Variants in FBXL19 observed in about 807,000 individuals in gnomAD.
FBXL19 encodes F-box and leucine rich repeat protein 19, also known as F-box/LRR-repeat protein 19.
In FBXL19, 16 loss-of-function variants were observed where a neutral mutation model predicts 71.2. That is an observed-to-expected ratio of 0.22 (90% CI 0.15 to 0.34). The LOEUF is 0.34. Ranked by LOEUF, FBXL19 falls within the 10% of genes least tolerant of loss-of-function variation. FBXL19 has a pLI of 1.00. For missense variants in FBXL19, 658 were observed against 968.2 expected (o/e 0.68, Z 4.25); for synonymous variants, 447 against 409.4 (o/e 1.09, Z -1.11).
At position 30,941,583 on chromosome 16, in the gene FBXL19, C is replaced by T. The variant is rs369063566; in HGVS notation, c.1302-533C>T. Among the ~76,000 whole-genome samples the T allele has an allele frequency of 5.9e-4, 90 of 152,204 alleles. 2 individuals are homozygous for T. In the South Asian group the frequency reaches 0.016, roughly 27 times the overall value. On this transcript the variant is annotated intron_variant, in intron 7 of 10. Coordinates refer to ENST00000338343, the MANE Select transcript of FBXL19 (RefSeq NM_001382779.1). ...GATATTAGGGCTGTAAGTCCAGCTG[C>T]GGGCAGCTGGCTGTCAAGATGGGAC...
Position 30,925,932 on chromosome 16 carries a change from G to A in FBXL19, c.177+1G>A. The A allele has an allele frequency of 6.7e-7, 1 of 1,484,282 alleles. No homozygotes were observed. Among genetic ancestry groups the A allele is most frequent in the Non-Finnish European group, 8.9e-7 (1 of 1,122,722 alleles). The allele number at this position is 1,484,282 out of a possible 1,614,324, so 91.9% of individuals were successfully genotyped here. Reference sequence around the variant, plus strand: ...GTGCCTGCTCCGGCAGTGCACTGCCGTGAGTTCTGCCCCCACCTTTGGGCT... The same window carrying A: ...GTGCCTGCTCCGGCAGTGCACTGCCATGAGTTCTGCCCCCACCTTTGGGCT... On this transcript the variant is annotated splice_donor_variant, in intron 2 of 10. Coordinates refer to ENST00000338343, the MANE Select transcript of FBXL19 (RefSeq NM_001382779.1). LOFTEE classifies it high-confidence loss of function. The surrounding 1 kb of genome is among the most constrained non-coding windows in gnomAD (Gnocchi z 5.0).
chr16:30,924,476 C>T lies in FBXL19; in HGVS notation c.-25+17C>T, dbSNP rs948962875. On this transcript the variant is annotated intron_variant, in intron 1 of 10. Coordinates refer to ENST00000338343, the MANE Select transcript of FBXL19 (RefSeq NM_001382779.1). ...ACGTGTGAGGTGGGTTCATGCGGCT[C>T]CTCCTCACCCCCAGACCTGGGCAGC... is the stretch of plus-strand genomic sequence containing the variant. 1.3e-5 allele frequency: 6 copies of T among 467,992 alleles called. No homozygotes were observed. The highest frequency in any genetic ancestry group is 1.0e-4 in the African/African-American group (5 of 49,258). The allele number at this position is 467,992 out of a possible 1,614,324, so 29.0% of individuals were successfully genotyped here.
chr16:30,947,516 G>A lies in FBXL19; in HGVS notation c.*286G>A. 6.7e-6 allele frequency: 3 copies of A among 450,924 alleles called. No individual in the cohort carries two copies. The highest frequency in any genetic ancestry group is 5.0e-5 in the South Asian group (2 of 39,830). The allele number at this position is 450,924 out of a possible 1,614,324, so 27.9% of individuals were successfully genotyped here. A position where few individuals can be genotyped will look rare whatever the true frequency, so the allele number is the denominator to read the frequency against. On this transcript the variant is annotated 3_prime_UTR_variant, in exon 11 of 11. Transcript: ENST00000338343. ...CTGGAGGGTGCTGAGCCGAAGGGACGGTGGGAGGGGGGTTATGGTGCAAGT... is the reference window on the plus strand; with the variant it reads ...CTGGAGGGTGCTGAGCCGAAGGGACAGTGGGAGGGGGGTTATGGTGCAAGT...
chr16:30,922,995 A>G, upstream of FBXL19: 1 of 455,830 alleles, frequency 2.2e-6, no homozygotes. Context: ...CTATAAAACT[A>G]CTAATCCCAT....
At chr16:30,933,113 G>C (rs2055693596) in intron 7 of FBXL19, among the ~76,000 whole-genome samples, 2 of 151,984 alleles carry the variant, frequency 1.3e-5, no homozygotes, top group Non-Finnish European at 2.9e-5. Context: ...CGATTCTCCT[G>C]CCTCAGCCTC....
chr16:30,942,649 A>G lies in FBXL19; in HGVS notation c.1627+113A>G. ...GGTAAAGTATTTGAAGAAAGGAAAG[A>G]ATACATGAGTTTGAATAGGAAGGCC... On this transcript the variant is annotated intron_variant, in intron 9 of 10. Coordinates refer to ENST00000338343, the MANE Select transcript of FBXL19 (RefSeq NM_001382779.1). This position sits in a 1 kb window ranked among gnomAD's most constrained non-coding sequence, Gnocchi z 5.7. 7.0e-7 allele frequency: 1 copy of G among 1,425,322 alleles called. No individual in the cohort carries two copies. Among genetic ancestry groups the G allele is most frequent in the African/African-American group, 1.4e-5 (1 of 69,682 alleles). The allele number at this position is 1,425,322 out of a possible 1,614,324, so 88.3% of individuals were successfully genotyped here. A position where few individuals can be genotyped will look rare whatever the true frequency, so the allele number is the denominator to read the frequency against.
At position 30,942,157 on chromosome 16, in the gene FBXL19, G is replaced by A. The variant is rs759805532; in HGVS notation, c.1343G>A (p.Arg448Gln). The A allele has an allele frequency of 5.6e-6, 9 of 1,599,020 alleles. No individual in the cohort carries two copies. Among genetic ancestry groups the A allele is most frequent in the Admixed American group, 1.7e-5 (1 of 58,104 alleles). ...KRLWPRMDLS[R>Q]RKSLTPPMLS... ...CTGTGGCCTCGAATGGACCTGAGCC[G>A]GCGGAAGTCACTGACCCCGCCCATG... The change falls in exon 8 of 11, where the codon CGG becomes CAG. Residue 448 changes from arginine (R) to glutamine (Q), a missense_variant. Coordinates refer to ENST00000338343, the MANE Select transcript of FBXL19 (RefSeq NM_001382779.1). This position sits in a 1 kb window ranked among gnomAD's most constrained non-coding sequence, Gnocchi z 5.7.
chr16:30,947,556 T>G lies in FBXL19; in HGVS notation c.*326T>G, dbSNP rs1273202691. 5.3e-5 allele frequency: 12 copies of G among 227,732 alleles called. No individual in the cohort carries two copies. The highest frequency in any genetic ancestry group is 2.1e-4 in the African/African-American group (6 of 28,974). 14.1% of individuals were successfully genotyped at this position (227,732 alleles called of 1,614,324 possible). On this transcript the variant is annotated 3_prime_UTR_variant, in exon 11 of 11. Transcript: ENST00000338343. The stretch of plus-strand genomic sequence containing the variant: ...ATGGTGCAAGTGTTGGGGGGGAGAA[T>G]GGGGAAAGGACACACACAGGATATG...
At position 30,944,206 on chromosome 16, in the gene FBXL19, A is replaced by AT. The variant is rs201341124; in HGVS notation, c.1627+1680dup. On this transcript the variant is annotated intron_variant, in intron 9 of 10. Coordinates refer to ENST00000338343, the MANE Select transcript of FBXL19 (RefSeq NM_001382779.1). ...TTTTTTTTTTTTTTTTAGTTTTTAA[A>AT]TTTTTTTTTTAACTTTTAAGTTCAT... 5.8e-4 allele frequency among the ~76,000 whole-genome samples: 44 copies of AT among 76,484 alleles called. No homozygotes were observed. In the East Asian group the frequency reaches 0.011, roughly 19 times the overall value. The allele number at this position is 76,484 out of a possible 152,430, so 50.2% of individuals were successfully genotyped here.
At chr16:30,928,384 G>A (rs920789505) in intron 5 of FBXL19, 83 bp from the exon 6 acceptor site, 2 of 1,355,974 alleles carry the variant, frequency 1.5e-6, no homozygotes, top group Admixed American at 6.1e-5. Flanking sequence ...AGTCTAAGAG[G>A]AGGGCATGGA....
rs1378780356 is a variant in FBXL19 at position 30,946,721 on chromosome 16, G to T, written c.1628-9G>T. On this transcript the variant is annotated splice_polypyrimidine_tract_variant and intron_variant, in intron 9 of 10. Coordinates refer to ENST00000338343, the MANE Select transcript of FBXL19 (RefSeq NM_001382779.1). This position sits in a 1 kb window ranked among gnomAD's most constrained non-coding sequence, Gnocchi z 6.7. ...GCCAGGAGTGCTGACCTCTCATCTGGCTGCCCAGGGCAAACAGAGAGCCGT... is the reference window on the plus strand; with the variant it reads ...GCCAGGAGTGCTGACCTCTCATCTGTCTGCCCAGGGCAAACAGAGAGCCGT... 2 of 1,609,578 alleles carry T rather than the reference G, an allele frequency of 1.2e-6. No individual in the cohort carries two copies. The highest frequency in any genetic ancestry group is 2.7e-5 in the African/African-American group (2 of 74,874).
In FBXL19 at chr16:30,942,004, T is replaced by G. The variant is rs993751651; in HGVS notation, c.1302-112T>G. 1 of 1,231,808 alleles carries G rather than the reference T, an allele frequency of 8.1e-7. No individual in the cohort carries two copies. The highest frequency in any genetic ancestry group is 1.1e-6 in the Non-Finnish European group (1 of 928,460). 76.3% of individuals were successfully genotyped at this position (1,231,808 alleles called of 1,614,324 possible). ...TCAGGTGCTTCTTGCTACCCTGTTG[T>G]CTGTGTGGCCAGAAGAGAGCTGGGG... is the stretch of plus-strand genomic sequence containing the variant. On this transcript the variant is annotated intron_variant, in intron 7 of 10. Coordinates refer to ENST00000338343, the MANE Select transcript of FBXL19 (RefSeq NM_001382779.1). This position sits in a 1 kb window ranked among gnomAD's most constrained non-coding sequence, Gnocchi z 5.7.
intron 7 of FBXL19, among the ~76,000 whole-genome samples, chr16:30,933,227 T>C (rs902448868): frequency 2.0e-5 from 3 of 152,146 alleles, no homozygotes; most frequent in Non-Finnish European, 4.4e-5. Context: ...GGTCTCGAAC[T>C]CCTGACCTCA....
In FBXL19 at chr16:30,925,639, C is replaced by T. The variant is rs1367616229; in HGVS notation, c.-24-92C>T. The T allele has an allele frequency of 1.6e-5, 21 of 1,325,898 alleles. No homozygotes were observed. The highest frequency in any genetic ancestry group is 1.9e-5 in the Non-Finnish European group (20 of 1,030,166). 82.1% of individuals were successfully genotyped at this position (1,325,898 alleles called of 1,614,324 possible). A position where few individuals can be genotyped will look rare whatever the true frequency, so the allele number is the denominator to read the frequency against. ...TTGTCCCCCTGAGGAAGAGGGCAGGCTCTAGCTGCCTGTAGGTGGAGGGAC... is the reference window on the plus strand; with the variant it reads ...TTGTCCCCCTGAGGAAGAGGGCAGGTTCTAGCTGCCTGTAGGTGGAGGGAC... On this transcript the variant is annotated intron_variant, in intron 1 of 10. Transcript: ENST00000338343. This position sits in a 1 kb window ranked among gnomAD's most constrained non-coding sequence, Gnocchi z 5.0.
chr16:30,940,087 T>A (rs977481221), intron 7 of FBXL19, among the ~76,000 whole-genome samples: 6 of 152,072 alleles, frequency 3.9e-5, no homozygotes, highest in Non-Finnish European at 4.4e-5. Context: ...AGAAACCCTA[T>A]CTCTACTAAA....
intron 7 of FBXL19, among the ~76,000 whole-genome samples, chr16:30,932,154 A>G (rs2055681870): frequency 6.6e-6 from 1 of 152,188 alleles, no homozygotes; most frequent in African/African-American, 2.4e-5. Flanking sequence ...TTGAGCTAAT[A>G]CACATGAAGA....
At position 30,937,014 on chromosome 16, in the gene FBXL19, TA is replaced by T. The variant is rs2055745658; in HGVS notation, c.1302-5100del. On this transcript the variant is annotated intron_variant, in intron 7 of 10. Coordinates refer to ENST00000338343, the MANE Select transcript of FBXL19 (RefSeq NM_001382779.1). ...CCTTGGCCTCCCAAAGTGCTGGGAT[TA>T]ACAGGCGTGAGCCACCGCACACGCT... 2.6e-5 allele frequency among the ~76,000 whole-genome samples: 4 copies of T among 151,676 alleles called. No individual in the cohort carries two copies. The South Asian group carries it at 8.3e-4, about 32-fold the overall frequency.
intron 7 of FBXL19, among the ~76,000 whole-genome samples, chr16:30,936,881 T>C (rs1284207500): frequency 6.6e-6 from 1 of 151,852 alleles, no homozygotes; most frequent in Non-Finnish European, 1.5e-5. Context: ...TAGCTGGGAC[T>C]GCAGGCGCGT....
In FBXL19 at chr16:30,942,131, T is replaced by G; in HGVS notation, c.1317T>G (p.Arg439=). The G allele has an allele frequency of 6.3e-7, 1 of 1,590,234 alleles. No homozygotes were observed. The highest frequency in any genetic ancestry group is 8.6e-7 in the Non-Finnish European group (1 of 1,164,896). The part of the protein sequence containing the change: ...RTWSRWCYDK[R]LWPRMDLSRR... ...TGGCCGCCAGGTGCTATGACAAGCGTCTGTGGCCTCGAATGGACCTGAGCC... is the reference window on the plus strand; with the variant it reads ...TGGCCGCCAGGTGCTATGACAAGCGGCTGTGGCCTCGAATGGACCTGAGCC... Residue 439 remains arginine, a synonymous_variant, in exon 8 of 11, where the codon CGT becomes CGG. Coordinates refer to ENST00000338343, the MANE Select transcript of FBXL19 (RefSeq NM_001382779.1). The surrounding 1 kb of genome is among the most constrained non-coding windows in gnomAD (Gnocchi z 5.7).
Sources: allele counts gnomAD v4.1 joint callset (sites outside exome capture counted in the v4.1 genomes callset), GRCh38; gene constraint gnomAD v4.1.1; non-coding constraint Gnocchi (gnomAD v3.1); transcripts MANE v1.5; gene names NCBI Gene and HGNC (gene_info 2026-07-23, HGNC 2026-07-21).